The following SHC3 variants were observed in gnomAD, a reference collection of about 807,000 sequenced individuals.
The protein encoded by SHC3 is SHC adaptor protein 3.
Under a neutral mutation model 60.4 loss-of-function variants are expected in SHC3, and 15 were observed. That is an observed-to-expected ratio of 0.25 (90% CI 0.17 to 0.38). SHC3 has a LOEUF of 0.38. Among genes scored for constraint, SHC3 ranks in the 10% least tolerant of loss-of-function variants. The pLI is 1.00. For missense variants in SHC3, 677 were observed against 786.1 expected (o/e 0.86, Z 1.66); for synonymous variants, 294 against 325.9 (o/e 0.90, Z 1.05).
At chr9:89,135,526 C>G (rs1225196141) in intron 1 of SHC3, among the ~76,000 whole-genome samples, 1 of 152,014 alleles carries the variant, frequency 6.6e-6, no homozygotes, top group Non-Finnish European at 1.5e-5. Flanking sequence ...ATAATCTGGT[C>G]AAGTATAAGA....
At chr9:89,018,830 CG>C (rs1826147590) in intron 11 of SHC3, among the ~76,000 whole-genome samples, 1 of 150,850 alleles carries the variant, frequency 6.6e-6, no homozygotes, top group Non-Finnish European at 1.5e-5. Context: ...CCAAGGCAGG[CG>C]GATCATTTGA....
chr9:89,035,036 A>T (rs1824548464), intron 11 of SHC3, among the ~76,000 whole-genome samples: 1 of 152,184 alleles, frequency 6.6e-6, no homozygotes, highest in Non-Finnish European at 1.5e-5. Context: ...CATGTGCTTA[A>T]TGCAACGTGT....
At chr9:89,071,404 T>C (rs1825269086) in intron 4 of SHC3, 152 bp from the exon 5 acceptor site, 2 of 734,372 alleles carry the variant, frequency 2.7e-6, no homozygotes, top group Non-Finnish European at 2.3e-6. Context: ...GTAATAGCAA[T>C]AGATCACCTT....
intron 1 of SHC3, among the ~76,000 whole-genome samples, chr9:89,156,395 T>C (rs775983747): frequency 1.3e-5 from 2 of 152,080 alleles, no homozygotes; most frequent in African/African-American, 2.4e-5. Flanking sequence ...GAAACTGAAC[T>C]GAAACATCAT....
At chr9:89,145,293 A>T (rs1273920866) in intron 1 of SHC3, among the ~76,000 whole-genome samples, 1 of 152,238 alleles carries the variant, frequency 6.6e-6, no homozygotes, top group Non-Finnish European at 1.5e-5. Flanking sequence ...GCACTAAGAG[A>T]CCGAAAGTAA....
intron 6 of SHC3, among the ~76,000 whole-genome samples, chr9:89,060,466 C>T (rs976630740): frequency 4.0e-5 from 6 of 151,850 alleles, no homozygotes; most frequent in East Asian, 1.9e-4. Context: ...ATACCTGAAG[C>T]GAGTCAGGGA....
intron 1 of SHC3, among the ~76,000 whole-genome samples, chr9:89,139,121 T>C (rs1826358145): frequency 1.3e-5 from 2 of 152,010 alleles, no homozygotes; most frequent in African/African-American, 4.8e-5. Context: ...TAGCTGATTC[T>C]AATGCACCCA....
chr9:89,045,852 A>C lies in SHC3; in HGVS notation c.1114-19T>G, dbSNP rs1824763878. The C allele has an allele frequency of 6.2e-7, 1 of 1,609,284 alleles. No individual in the cohort carries two copies. The highest frequency in any genetic ancestry group is 1.7e-5 in the Admixed American group (1 of 59,924). On this transcript the variant is annotated intron_variant, in intron 8 of 11. Transcript: ENST00000375835. ...CTGCAAACTATAGACACATGTAAAT[A>C]CACAGAATGAAAAAATTATTTTCTT...
rs1470797809 is a variant in SHC3 at position 89,011,613 on chromosome 9, T to C, written c.*1834A>G. On this transcript the variant is annotated 3_prime_UTR_variant, in exon 12 of 12. Transcript: ENST00000375835. ...TGGGGCAGGAGCCTGATGCAGCTGC[T>C]GCCAGCAACCCCGTGGAGCCGTCTG... 1.3e-5 allele frequency: 2 copies of C among 152,250 alleles called. No homozygotes were observed. The highest frequency in any genetic ancestry group is 4.8e-5 in the African/African-American group (2 of 41,450). 9.4% of individuals were successfully genotyped at this position (152,250 alleles called of 1,614,324 possible). A position where few individuals can be genotyped will look rare whatever the true frequency, so the allele number is the denominator to read the frequency against.
chr9:89,037,283 A>C, intron 11 of SHC3: 1 of 537,362 alleles, frequency 1.9e-6, no homozygotes, highest in South Asian at 2.8e-5. Flanking sequence ...CTTAACTCCT[A>C]TTAAATAACT....
intron 3 of SHC3, 136 bp downstream of exon 3, chr9:89,077,700 GCCCT>G (rs1449107747): frequency 1.1e-5 from 11 of 957,254 alleles, no homozygotes; most frequent in South Asian, 4.5e-5. Flanking sequence ...AGCAATCTAA[GCCCT>G]TTCTGCTTTT....
chr9:89,048,359 C>G (rs1824807703), intron 7 of SHC3, among the ~76,000 whole-genome samples: 2 of 151,592 alleles, frequency 1.3e-5, no homozygotes, highest in Non-Finnish European at 2.9e-5. Flanking sequence ...GAAAGAAATA[C>G]TGACAGATCC....
At chr9:89,021,695 C>T (rs770052245) in intron 11 of SHC3, among the ~76,000 whole-genome samples, 6 of 152,234 alleles carry the variant, frequency 3.9e-5, no homozygotes, top group Non-Finnish European at 7.3e-5. Flanking sequence ...GGGTTTCCAG[C>T]ACCCCTCGGG....
At position 89,044,822 on chromosome 9, in the gene SHC3, C is replaced by T. The variant is rs543958216; in HGVS notation, c.1201+924G>A. Among the ~76,000 whole-genome samples the T allele has an allele frequency of 1.8e-4, 27 of 152,172 alleles. No individual in the cohort carries two copies. The East Asian group carries it at 4.2e-3, about 24-fold the overall frequency. On this transcript the variant is annotated intron_variant, in intron 9 of 11. Transcript: ENST00000375835. ...ATATCTGACTTATAGACAGTTATAT[C>T]GACATTAGTTTTAATGTGTGATGTA...
At position 89,055,290 on chromosome 9, in the gene SHC3, C is replaced by T. The variant is rs756092944; in HGVS notation, c.836-3127G>A. Among the ~76,000 whole-genome samples the T allele has an allele frequency of 5.9e-5, 9 of 152,250 alleles. No homozygotes were observed. The South Asian group carries it at 6.2e-4, about 11-fold the overall frequency. Reference sequence around the variant, plus strand: ...AGGCTAGTAGCTGCTCCCGGCTTGGCGCTCAGGACTGGCCCCCGGCCATCT... The same window carrying T: ...AGGCTAGTAGCTGCTCCCGGCTTGGTGCTCAGGACTGGCCCCCGGCCATCT... On this transcript the variant is annotated intron_variant, in intron 6 of 11. Transcript: ENST00000375835.
chr9:89,140,284 G>T (rs1297281876), intron 1 of SHC3, among the ~76,000 whole-genome samples: 1 of 152,132 alleles, frequency 6.6e-6, no homozygotes, highest in East Asian at 1.9e-4. Flanking sequence ...AGCCAGGAAA[G>T]CATGCATTTT....
chr9:89,167,736 A>G lies in SHC3; in HGVS notation c.474+10251T>C, dbSNP rs146925430. 8.5e-3 allele frequency among the ~76,000 whole-genome samples: 1,301 copies of G among 152,360 alleles called. 11 individuals carry two copies. The highest frequency in any genetic ancestry group is 0.014 in the Middle Eastern group (4 of 294). ...GAACTTCCATGACAGCAAATCTTAA[A>G]TTGAGAAAATCACATCTATAAATTA... On this transcript the variant is annotated intron_variant, in intron 1 of 11. Coordinates refer to ENST00000375835, the MANE Select transcript of SHC3 (RefSeq NM_016848.6).
intron 1 of SHC3, among the ~76,000 whole-genome samples, chr9:89,163,843 T>G (rs139690203): frequency 6.6e-6 from 1 of 151,912 alleles, no homozygotes; most frequent in East Asian, 1.9e-4. Flanking sequence ...GATCAAAGTA[T>G]TGTCAGATTC....
At chr9:89,144,432 C>T (rs1237441851) in intron 1 of SHC3, among the ~76,000 whole-genome samples, 1 of 152,180 alleles carries the variant, frequency 6.6e-6, no homozygotes, top group Non-Finnish European at 1.5e-5. Flanking sequence ...GAATTTCTAA[C>T]TCAGTAGCTC....
Sources: gnomAD v4.1 joint callset for allele counts (sites outside exome capture counted in the v4.1 genomes callset) on GRCh38, gnomAD v4.1.1 for gene constraint, MANE v1.5 for transcripts, NCBI Gene and HGNC (gene_info 2026-07-23, HGNC 2026-07-21) for gene names.